Variants in MAF observed in about 807,000 individuals in gnomAD.
MAF encodes MAF bZIP transcription factor, also known as transcription factor Maf.
MAF carries 10 observed loss-of-function variants against 22.0 expected under a neutral mutation model. The ratio of observed to expected loss-of-function variants is 0.45; its 90% CI spans 0.28 to 0.77. The LOEUF is 0.77. MAF is among the 30% of genes least tolerant of loss of function. MAF has a pLI of 0.12. For missense variants in MAF, 544 were observed against 548.4 expected (o/e 0.99, Z 0.08); for synonymous variants, 337 against 255.8 (o/e 1.32, Z -3.03).
chr16:79,258,960 G>A, the MAF span, among the ~76,000 whole-genome samples: 2 of 152,076 alleles, frequency 1.3e-5, no homozygotes, highest in African/African-American at 4.8e-5. Context: ...TTATTGGAGG[G>A]TCCCAGAGCC....
rs768386193 is a variant in MAF, at chr16:79,598,772, G to T, written c.1118+13C>A. 6.2e-7 allele frequency: 1 copy of T among 1,613,644 alleles called. No individual in the cohort carries two copies. The highest frequency in any genetic ancestry group is 1.3e-5 in the African/African-American group (1 of 74,812). The stretch of plus-strand genomic sequence containing the variant: ...TATCAGGGTGGCTAGCTGGAATCGC[G>T]TGTCAGACTCACATGAAAAACTCGG... On this transcript the variant is annotated intron_variant, in intron 1 of 1. Coordinates refer to ENST00000326043, the MANE Select transcript of MAF (RefSeq NM_005360.5).
chr16:79,301,934 G>C, the MAF span, among the ~76,000 whole-genome samples: 6 of 152,222 alleles, frequency 3.9e-5, no homozygotes, highest in Non-Finnish European at 2.9e-5. Context: ...ACAGCCTTTT[G>C]AGCACAACGT....
chr16:79,520,709 G>C, the MAF span, among the ~76,000 whole-genome samples: 1 of 152,174 alleles, frequency 6.6e-6, no homozygotes, highest in African/African-American at 2.4e-5. Context: ...CCAACCCTGT[G>C]CTTGGGTGGT....
chr16:79,503,363 T>A, the MAF span, among the ~76,000 whole-genome samples: 3 of 152,300 alleles, frequency 2.0e-5, no homozygotes, highest in African/African-American at 7.2e-5. Flanking sequence ...AAAATTTTTA[T>A]TTACAAGGAC....
the MAF span, among the ~76,000 whole-genome samples, chr16:79,564,457 G>A: frequency 6.6e-6 from 1 of 152,198 alleles, no homozygotes; most frequent in Non-Finnish European, 1.5e-5. Context: ...TATGAACTGG[G>A]CACACTGGTT....
chr16:79,377,214 T>C, the MAF span, among the ~76,000 whole-genome samples: 2 of 152,340 alleles, frequency 1.3e-5, no homozygotes, highest in South Asian at 4.1e-4. Context: ...ATGATCCCCA[T>C]TCTAACTGGT....
downstream of MAF, among the ~76,000 whole-genome samples, chr16:79,581,488 G>A (rs953236354): frequency 2.0e-5 from 3 of 152,076 alleles, no homozygotes; most frequent in Non-Finnish European, 4.4e-5. Context: ...CAGGAGCCAG[G>A]GAAGAAGAAA....
the MAF span, chr16:79,229,293 C>G: frequency 6.6e-6 from 1 of 151,838 alleles, no homozygotes; most frequent in Non-Finnish European, 1.5e-5. Flanking sequence ...ACCAAGACAG[C>G]AGGGTCAGTG....
the MAF span, among the ~76,000 whole-genome samples, chr16:79,207,119 C>T: frequency 1.3e-5 from 2 of 152,126 alleles, no homozygotes; most frequent in Non-Finnish European, 2.9e-5. Context: ...AGACGGCCAT[C>T]TATTCCACCT....
the MAF span, among the ~76,000 whole-genome samples, chr16:79,406,291 G>A: frequency 1.3e-5 from 2 of 152,180 alleles, no homozygotes; most frequent in South Asian, 2.1e-4. Flanking sequence ...GGTCTGGCAC[G>A]TCCCCAAGGA....
the MAF span, among the ~76,000 whole-genome samples, chr16:79,536,512 C>T: frequency 2.0e-5 from 3 of 152,140 alleles, no homozygotes; most frequent in East Asian, 3.9e-4. Context: ...CATGGTGGTG[C>T]ACACCTGTAG....
chr16:79,384,761 A>G, the MAF span, among the ~76,000 whole-genome samples: 1 of 152,146 alleles, frequency 6.6e-6, no homozygotes, highest in Non-Finnish European at 1.5e-5. Flanking sequence ...TGTCTCAAAA[A>G]AAATAAAATA....
the MAF span, among the ~76,000 whole-genome samples, chr16:79,517,621 C>G: frequency 7.4e-6 from 1 of 135,848 alleles, no homozygotes; most frequent in Non-Finnish European, 1.5e-5. Flanking sequence ...ATTACCCAGA[C>G]TGGAGTGCGA....
chr16:79,211,428 A>T, the MAF span, among the ~76,000 whole-genome samples: 3 of 152,178 alleles, frequency 2.0e-5, no homozygotes, highest in Admixed American at 6.5e-5. Flanking sequence ...TTTTTCCAGG[A>T]TAGTCACATT....
the MAF span, among the ~76,000 whole-genome samples, chr16:79,300,692 C>CT: frequency 0.23 from 33,407 of 145,364 alleles, 3,841 homozygotes; most frequent in Middle Eastern, 0.34. Flanking sequence ...CAACCCATTT[C>CT]TTTTTTTTTT....
At chr16:79,466,548 C>T in the MAF span, among the ~76,000 whole-genome samples, 3 of 152,200 alleles carry the variant, frequency 2.0e-5, no homozygotes, top group Non-Finnish European at 4.4e-5. Context: ...CGGAGGCAAA[C>T]TTTGGATCTT....
chr16:79,457,431 T>G, the MAF span, among the ~76,000 whole-genome samples: 3 of 151,582 alleles, frequency 2.0e-5, no homozygotes, highest in Non-Finnish European at 4.4e-5. Context: ...CGGACAATGT[T>G]ACTACAAGGA....
chr16:79,441,638 G>A, the MAF span, among the ~76,000 whole-genome samples: 3 of 152,162 alleles, frequency 2.0e-5, no homozygotes, highest in African/African-American at 7.2e-5. Flanking sequence ...TAAACTGACA[G>A]TCATTCTAAA....
In MAF at chr16:79,599,642, G is replaced by C; in HGVS notation, c.261C>G (p.His87Gln). The C allele has an allele frequency of 6.2e-7, 1 of 1,611,860 alleles. No individual in the cohort carries two copies. Among genetic ancestry groups the C allele is most frequent in the Non-Finnish European group, 8.5e-7 (1 of 1,179,562 alleles). The change falls in exon 1 of 2, where the codon CAC becomes CAG. Residue 87 changes from histidine (H) to glutamine (Q), a missense_variant. By Grantham distance (24) the His-to-Gln change is conservative. Coordinates refer to ENST00000326043, the MANE Select transcript of MAF (RefSeq NM_005360.5). ...SPGSGSEQKA[H>Q]LEDYYWMTGY... ...CGGTCATCCAGTAGTAGTCTTCCAG[G>C]TGCGCCTTCTGCTCGCTGCCCGAGC...
Sources: gnomAD v4.1 joint callset for allele counts (sites outside exome capture counted in the v4.1 genomes callset) on GRCh38, gnomAD v4.1.1 for gene constraint, MANE v1.5 for transcripts, NCBI Gene and HGNC (gene_info 2026-07-23, HGNC 2026-07-21) for gene names.